ZFP1: variants seen among roughly 807,000 people sequenced by gnomAD.
ZFP1 encodes the protein ZFP1 zinc finger protein, also known as zinc finger protein 1 homolog.
ZFP1 carries 32 observed loss-of-function variants against 38.5 expected under a neutral mutation model. The observed-to-expected ratio is 0.83, with a 90% confidence interval of 0.63 to 1.12. ZFP1 has a LOEUF of 1.12. ZFP1 is among the 50% of genes most tolerant of loss of function. The pLI, the probability that ZFP1 is intolerant of heterozygous loss-of-function variation, is 0.00. For synonymous variants in ZFP1, 245 were observed against 168.8 expected (o/e 1.45, Z -3.50); for missense variants, 616 against 480.8 (o/e 1.28, Z -2.63).
At chr16:75,128,276 T>G in the ZFP1 span, among the ~76,000 whole-genome samples, 1 of 152,204 alleles carries the variant, frequency 6.6e-6, no homozygotes, top group Admixed American at 6.5e-5. Context: ...TCATCAGTAT[T>G]TGATGGTACA....
At chr16:75,151,197 C>G (rs912731450) in intron 1 of ZFP1, among the ~76,000 whole-genome samples, 2 of 151,292 alleles carry the variant, frequency 1.3e-5, no homozygotes, top group African/African-American at 4.9e-5. Context: ...TTTTTAATTT[C>G]CTGACTCCTA....
In ZFP1 at chr16:75,169,265, C is replaced by T. The variant is rs2038280266; in HGVS notation, c.155C>T (p.Ala52Val). 1 of 1,609,812 alleles carries T rather than the reference C, an allele frequency of 6.2e-7. No homozygotes were observed. The highest frequency in any genetic ancestry group is 1.3e-5 in the African/African-American group (1 of 74,568). ...TCTCTATTCCTAGAAGTGTGGAAGG[C>T]TGATGACCAGATGGAGAGAGACCAC... ...SNLLSVEVWK[A>V]DDQMERDHRN... The change falls in exon 4 of 4, where the codon GCT (alanine) becomes GTT (valine). Residue 52 changes from alanine (A) to valine (V), a missense_variant. Transcript: ENST00000570010.
At chr16:75,163,055 G>T (rs1207017397) in intron 2 of ZFP1, among the ~76,000 whole-genome samples, 5 of 151,598 alleles carry the variant, frequency 3.3e-5, no homozygotes, top group African/African-American at 4.8e-5. Context: ...GATTACATGC[G>T]CCCACCACCA....
At chr16:75,163,572 A>C (rs1053467451) in intron 2 of ZFP1, among the ~76,000 whole-genome samples, 4 of 151,684 alleles carry the variant, frequency 2.6e-5, no homozygotes. Flanking sequence ...TCGGCCTCCC[A>C]GAGTGCTGGG....
the ZFP1 span, among the ~76,000 whole-genome samples, chr16:75,142,803 G>A: frequency 4.6e-5 from 7 of 152,138 alleles, no homozygotes; most frequent in African/African-American, 1.7e-4. Flanking sequence ...CCAGGGTCAA[G>A]TGATTCTCCT....
At chr16:75,166,717 T>G (rs893740300) in intron 2 of ZFP1, 53 bp from the exon 3 acceptor site, 77 of 1,613,302 alleles carry the variant, frequency 4.8e-5, no homozygotes, top group Non-Finnish European at 6.5e-5. Context: ...TCATCTATCC[T>G]TTCTATATCA....
At chr16:75,140,459 C>T in the ZFP1 span, among the ~76,000 whole-genome samples, 2 of 152,132 alleles carry the variant, frequency 1.3e-5, no homozygotes, top group Non-Finnish European at 2.9e-5. Flanking sequence ...CCTGCTATGA[C>T]CTCCTTAGCA....
At chr16:75,127,363 T>C in the ZFP1 span, among the ~76,000 whole-genome samples, 2 of 151,846 alleles carry the variant, frequency 1.3e-5, no homozygotes, top group Non-Finnish European at 2.9e-5. Context: ...GATTCTTAAC[T>C]CCGGCCTGGG....
the ZFP1 span, chr16:75,119,623 A>G: frequency 6.6e-6 from 1 of 152,180 alleles, no homozygotes; most frequent in African/African-American, 2.4e-5. Context: ...TAAAGTTAAG[A>G]TTACAACCAG....
the ZFP1 span, among the ~76,000 whole-genome samples, chr16:75,120,767 T>TTTTGTTTG: frequency 0.18 from 26,906 of 149,944 alleles, 2,741 homozygotes; most frequent in Non-Finnish European, 0.23. Flanking sequence ...CCAGCTTGTT[T>TTTTGTTTG]TTTGTTTGTT....
chr16:75,120,988 G>C, the ZFP1 span, among the ~76,000 whole-genome samples: 1 of 152,124 alleles, frequency 6.6e-6, no homozygotes, highest in African/African-American at 2.4e-5. Context: ...TTTAAAAGAA[G>C]TTTTTTAAAA....
rs949971145 is a variant in ZFP1, at chr16:75,169,310, C to T, written c.200C>T (p.Ala67Val). Residue 67 changes from alanine (A) to valine (V), a missense_variant, in exon 4 of 4, where the codon GCG becomes GTG. Ala to Val is a moderately conservative substitution (Grantham distance 64). Coordinates refer to ENST00000570010, the MANE Select transcript of ZFP1 (RefSeq NM_153688.4). ...ERDHRNPDEQ[A>V]RQFLILKNQT... ...GACCACAGAAACCCAGACGAGCAGG[C>T]GAGGCAATTTTTAATTCTTAAGAAC... is the stretch of plus-strand genomic sequence containing the variant. 14 of 1,613,706 alleles carry T rather than the reference C, an allele frequency of 8.7e-6. No individual in the cohort carries two copies. Among genetic ancestry groups the T allele is most frequent in the East Asian group, 2.2e-5 (1 of 44,896 alleles).
chr16:75,161,516 T>C (rs1337715204), intron 2 of ZFP1, among the ~76,000 whole-genome samples: 1 of 151,376 alleles, frequency 6.6e-6, no homozygotes, highest in Non-Finnish European at 1.5e-5. Flanking sequence ...ATTTATTTTG[T>C]CCAGTTTTTA....
At chr16:75,124,203 C>A in the ZFP1 span, among the ~76,000 whole-genome samples, 1 of 150,448 alleles carries the variant, frequency 6.6e-6, no homozygotes, top group Non-Finnish European at 1.5e-5. Context: ...TGCTCTGTTG[C>A]CCAGGCTGGA....
chr16:75,123,455 GTATATATATATATATATATA>G, the ZFP1 span, among the ~76,000 whole-genome samples: 258 of 87,272 alleles, frequency 3.0e-3, 11 homozygotes, highest in African/African-American at 9.8e-3. Flanking sequence ...GTGTGTATAT[GTATATATATATATATATATA>G]TATATATATA....
the ZFP1 span, among the ~76,000 whole-genome samples, chr16:75,126,605 T>C: frequency 6.6e-6 from 1 of 152,218 alleles, no homozygotes; most frequent in Non-Finnish European, 1.5e-5. Flanking sequence ...GGTTTCACCA[T>C]GTTGGCCTGC....
intron 2 of ZFP1, among the ~76,000 whole-genome samples, chr16:75,165,593 C>A (rs2038031235): frequency 6.6e-6 from 1 of 152,082 alleles, no homozygotes. Flanking sequence ...TGGGGTTTCA[C>A]CATCTTTGCC....
rs956717803 is a variant in ZFP1 at position 75,159,985 on chromosome 16, G to A, written c.16-6785G>A. Among the ~76,000 whole-genome samples, 8 of 152,080 alleles carry A rather than the reference G, an allele frequency of 5.3e-5. 1 individual carries two copies. Among genetic ancestry groups the A allele is most frequent in the Admixed American group, 5.2e-4 (8 of 15,254 alleles). On this transcript the variant is annotated intron_variant, in intron 2 of 3. Coordinates refer to ENST00000570010, the MANE Select transcript of ZFP1 (RefSeq NM_153688.4). ...ATCTCTATCTTTCTGGATTCAGACT[G>A]TCCCAGCTCCTCAGCACTATGCAAC...
intron 3 of ZFP1, 162 bp downstream of exon 3, chr16:75,167,058 T>C: frequency 7.5e-7 from 1 of 1,340,534 alleles, no homozygotes. Flanking sequence ...ATCATCTCCT[T>C]TCCTTTAAGG....
Sources: gnomAD v4.1 joint callset for allele counts (sites outside exome capture counted in the v4.1 genomes callset) on GRCh38, gnomAD v4.1.1 for gene constraint, MANE v1.5 for transcripts, NCBI Gene and HGNC (gene_info 2026-07-23, HGNC 2026-07-21) for gene names.